MYO15B: variants seen among roughly 807,000 people sequenced by gnomAD.
MYO15B encodes the protein myosin XVB.
MYO15B carries 207 observed loss-of-function variants against 119.3 expected under a neutral mutation model. That is an observed-to-expected ratio of 1.73 (90% confidence interval 1.55 to 1.95). The LOEUF (loss-of-function observed/expected upper bound fraction) is 1.95, where lower values mean the gene tolerates loss of function less well. Among genes scored for constraint, MYO15B ranks in the 30% most tolerant of loss-of-function variants. MYO15B has a pLI of 0.00. For missense variants in MYO15B, 2,264 were observed against 1,203.1 expected (o/e 1.88, Z -13.04); for synonymous variants, 966 against 498.9 (o/e 1.94, Z -12.48).
At chr17:75,619,723 C>T (rs2058589214) in exon 46 of MYO15B, 1 of 702,884 alleles carries the variant, frequency 1.4e-6, no homozygotes, top group Non-Finnish European at 2.6e-6. Context: ...CGTGTCCCAC[C>T]GTGGGCTGCG....
intron 21 of MYO15B, chr17:75,606,947 T>C: frequency 2.5e-6 from 1 of 398,498 alleles, no homozygotes; most frequent in South Asian, 1.3e-4. Flanking sequence ...TCTTCACACA[T>C]TCCTCCAACA....
chr17:75,600,590 T>TC (rs1226108747), intron 14 of MYO15B: 1 of 128,466 alleles, frequency 7.8e-6, no homozygotes, highest in Non-Finnish European at 1.7e-5. Context: ...TTCTTTTCTT[T>TC]TTTTTTTTTT....
At chr17:75,597,933 A>T (rs2056974748) in intron 14 of MYO15B, among the ~76,000 whole-genome samples, 1 of 151,696 alleles carries the variant, frequency 6.6e-6, no homozygotes, top group Non-Finnish European at 1.5e-5. Flanking sequence ...TTAATTATAA[A>T]AAAACAAACC....
At chr17:75,625,353 A>AG in intron 60 of MYO15B, 115 bp downstream of exon 60, 1 of 637,914 alleles carries the variant, frequency 1.6e-6, no homozygotes, top group Non-Finnish European at 2.9e-6. Flanking sequence ...GGGCCTGTGA[A>AG]CATCTGTCCT....
intron 59 of MYO15B, 90 bp from the exon 60 acceptor site, chr17:75,625,033 A>G: frequency 3.0e-6 from 2 of 658,188 alleles, no homozygotes; most frequent in South Asian, 3.3e-5. Flanking sequence ...GGGGGGTGAC[A>G]GTGGCAAAAG....
chr17:75,624,138 A>T, intron 55 of MYO15B, 37 bp from the exon 56 acceptor site: 1 of 702,696 alleles, frequency 1.4e-6, no homozygotes, highest in Non-Finnish European at 2.6e-6. Context: ...TTGGGGAGAC[A>T]TGGCCATCTC....
intron 19 of MYO15B, 80 bp from the exon 20 acceptor site, chr17:75,605,424 G>T (rs1003404181): frequency 3.1e-6 from 2 of 638,074 alleles, no homozygotes; most frequent in Non-Finnish European, 5.6e-6. Context: ...GCAAAAGAGC[G>T]AGACTCCGTC....
chr17:75,592,580 C>T, intron 8 of MYO15B, 39 bp downstream of exon 8: 1 of 623,550 alleles, frequency 1.6e-6, no homozygotes, highest in Non-Finnish European at 2.9e-6. Flanking sequence ...GAGGCCTGCC[C>T]AGAGGAGGAT....
chr17:75,616,624 G>A lies in MYO15B; in HGVS notation c.6345G>A (p.Ala2115=), dbSNP rs1005271168. Residue 2115 remains alanine (A), a synonymous_variant, in exon 39 of 64, where the codon GCG becomes GCA. Transcript: ENST00000645453. ...AGGCTGAGCCAGCCAAGGAGACAGC[G>A]GCCAAGGGCCATGGCCAAGGGCCAG... is the stretch of plus-strand genomic sequence containing the variant. 8.7e-5 allele frequency: 61 copies of A among 702,714 alleles called. No individual in the cohort carries two copies. In the Admixed American group the frequency reaches 1.0e-3, roughly 12 times the overall value. The allele number at this position is 702,714 out of a possible 1,614,324, so 43.5% of individuals were successfully genotyped here.
chr17:75,605,459 AAGG>A, intron 19 of MYO15B, 42 bp from the exon 20 acceptor site: 1 of 666,606 alleles, frequency 1.5e-6, no homozygotes. Flanking sequence ...AAAAGTGTAA[AAGG>A]AGGTTCTGGC....
At position 75,621,314 on chromosome 17, in the gene MYO15B, A is replaced by G. The variant is rs1169533677; in HGVS notation, c.7872-31A>G. On this transcript the variant is annotated intron_variant, in intron 50 of 63. Transcript: ENST00000645453. ...TGGGATGAAGGCAGGAGGGCCAAACAAGCTGGGCTGTCTCCCTCTGCCCCC... is the reference window on the plus strand; with the variant it reads ...TGGGATGAAGGCAGGAGGGCCAAACGAGCTGGGCTGTCTCCCTCTGCCCCC... The G allele has an allele frequency of 7.3e-6, 5 of 687,518 alleles. No homozygotes were observed. In the Admixed American group the frequency reaches 1.0e-4, roughly 14 times the overall value. 42.6% of individuals were successfully genotyped at this position (687,518 alleles called of 1,614,324 possible). A position where few individuals can be genotyped will look rare whatever the true frequency, so the allele number is the denominator to read the frequency against.
chr17:75,601,481 G>A (rs1455378340), exon 15 of MYO15B: 2 of 702,990 alleles, frequency 2.8e-6, no homozygotes, highest in African/African-American at 3.5e-5. Flanking sequence ...TATCACCATG[G>A]TGACCACCCC....
chr17:75,611,064 G>A, intron 23 of MYO15B, 105 bp downstream of exon 23: 1 of 692,494 alleles, frequency 1.4e-6, no homozygotes, highest in Non-Finnish European at 2.7e-6. Context: ...TTGTCCCTCA[G>A]GGCCATGCAT....
At position 75,615,416 on chromosome 17, in the gene MYO15B, C is replaced by T. The variant is rs1281765817; in HGVS notation, c.5740+78C>T. On this transcript the variant is annotated intron_variant, in intron 34 of 63. Transcript: ENST00000645453. ...CTCTGGGACTGGAGGAGGGAGGGTC[C>T]TGCTAGGAGTCCCGAGTGCACAGTG... 3 of 680,444 alleles carry T rather than the reference C, an allele frequency of 4.4e-6. No homozygotes were observed. The African/African-American group carries it at 5.3e-5, about 12-fold the overall frequency. 42.2% of individuals were successfully genotyped at this position (680,444 alleles called of 1,614,324 possible). A position where few individuals can be genotyped will look rare whatever the true frequency, so the allele number is the denominator to read the frequency against.
chr17:75,616,202 C>T (rs755165730), intron 37 of MYO15B, 55 bp downstream of exon 37: 1 of 571,788 alleles, frequency 1.7e-6, no homozygotes, highest in Non-Finnish European at 3.1e-6. Flanking sequence ...TGCCCCTGGC[C>T]CGGGCCAGGG....
chr17:75,609,640 T>TCTCCCTC (rs1326241070), intron 21 of MYO15B, among the ~76,000 whole-genome samples: 2 of 149,996 alleles, frequency 1.3e-5, no homozygotes, highest in Admixed American at 1.3e-4. Context: ...TTCCTCCCTC[T>TCTCCCTC]CTCCCTCCTC....
chr17:75,614,903 C>G (rs947200901), intron 32 of MYO15B, 54 bp downstream of exon 32: 2 of 702,804 alleles, frequency 2.8e-6, no homozygotes, highest in African/African-American at 3.5e-5. Flanking sequence ...GGGGCCTCTG[C>G]TGCCCCTTCC....
intron 5 of MYO15B, 94 bp from the exon 6 acceptor site, chr17:75,591,883 G>A: frequency 1.5e-6 from 1 of 670,988 alleles, no homozygotes; most frequent in Non-Finnish European, 2.7e-6. Flanking sequence ...CTTTCTGATG[G>A]GACTGACGCC....
At chr17:75,594,661 G>A (rs761237274) in intron 10 of MYO15B, 40 bp from the exon 11 acceptor site, 2 of 701,900 alleles carry the variant, frequency 2.8e-6, no homozygotes, top group South Asian at 3.0e-5. Flanking sequence ...CATGAGGGCT[G>A]CAGGCCTGAC....
Sources: allele counts gnomAD v4.1 joint callset (sites outside exome capture counted in the v4.1 genomes callset), GRCh38; gene constraint gnomAD v4.1.1; transcripts MANE v1.5; gene names NCBI Gene and HGNC (gene_info 2026-07-23, HGNC 2026-07-21).